Variants in GLIS3 observed in about 807,000 individuals in gnomAD.
The protein encoded by GLIS3 is GLIS family zinc finger 3.
GLIS3 carries 53 observed loss-of-function variants against 78.6 expected under a neutral mutation model. That is an observed-to-expected ratio of 0.67 (90% CI 0.54 to 0.85). The LOEUF (loss-of-function observed/expected upper bound fraction) is 0.85. Ranked by LOEUF, GLIS3 falls within the 40% of genes least tolerant of loss-of-function variation. The pLI is 0.00. For missense variants in GLIS3, 1,703 were observed against 1,231.1 expected, an observed-to-expected ratio of 1.38 and a Z score of -5.74; for synonymous variants, 684 against 509.9, an observed-to-expected ratio of 1.34 and a Z score of -4.60.
At chr9:4,114,913 C>T (rs1018469760) in intron 4 of GLIS3, among the ~76,000 whole-genome samples, 9 of 152,228 alleles carry the variant, frequency 5.9e-5, no homozygotes, top group African/African-American at 1.7e-4. Context: ...AGCCCTCCCC[C>T]AGTTCTGCCA....
chr9:4,057,314 T>C (rs759471765), intron 4 of GLIS3, among the ~76,000 whole-genome samples: 2 of 152,192 alleles, frequency 1.3e-5, no homozygotes, highest in Non-Finnish European at 2.9e-5. Flanking sequence ...ATTTTCATTT[T>C]GCACTGGGTC....
chr9:3,990,380 T>C (rs950414164), intron 4 of GLIS3, among the ~76,000 whole-genome samples: 6 of 152,192 alleles, frequency 3.9e-5, no homozygotes, highest in African/African-American at 1.4e-4. Flanking sequence ...CACACGGCAA[T>C]GGCGCATGTT....
chr9:4,197,174 G>C (rs1284105279), intron 2 of GLIS3, among the ~76,000 whole-genome samples: 2 of 152,126 alleles, frequency 1.3e-5, no homozygotes, highest in Non-Finnish European at 2.9e-5. Flanking sequence ...ACAGGCAGTA[G>C]GCAGATCTCC....
At chr9:4,059,208 A>C (rs765163951) in intron 4 of GLIS3, among the ~76,000 whole-genome samples, 2 of 152,200 alleles carry the variant, frequency 1.3e-5, no homozygotes, top group Non-Finnish European at 2.9e-5. Context: ...ACGAGATTTC[A>C]GACATTTTTT....
intron 8 of GLIS3, among the ~76,000 whole-genome samples, chr9:3,860,968 G>T (rs2130292889): frequency 6.6e-6 from 1 of 152,346 alleles, no homozygotes; most frequent in South Asian, 2.1e-4. Flanking sequence ...TAGAGGAAAT[G>T]AATGCTATGG....
At chr9:4,315,787 G>A (rs540085395) in intron 2 of GLIS3, among the ~76,000 whole-genome samples, 49 of 152,236 alleles carry the variant, frequency 3.2e-4, no homozygotes, top group Middle Eastern at 3.4e-3. Flanking sequence ...GACTTGGGCC[G>A]TCAGTAGGTG....
intron 2 of GLIS3, among the ~76,000 whole-genome samples, chr9:4,276,559 G>A (rs200672641): frequency 1.1e-4 from 8 of 74,838 alleles, no homozygotes; most frequent in Admixed American, 5.8e-4. Context: ...GAGGGGAGGG[G>A]AGGGGAGGGA....
intron 9 of GLIS3, among the ~76,000 whole-genome samples, chr9:3,851,960 T>C (rs552438624): frequency 1.3e-5 from 2 of 152,158 alleles, no homozygotes; most frequent in Admixed American, 1.3e-4. Flanking sequence ...CTAGCCAACA[T>C]GGTGAAACCC....
At chr9:4,328,735 C>G (rs1456750678) in intron 2 of GLIS3, among the ~76,000 whole-genome samples, 3 of 151,184 alleles carry the variant, frequency 2.0e-5, no homozygotes, top group Non-Finnish European at 4.4e-5. Context: ...TCAGTTTTTC[C>G]CTGCGTAAAA....
At chr9:4,216,564 G>C (rs1384540223) in intron 2 of GLIS3, among the ~76,000 whole-genome samples, 4 of 151,504 alleles carry the variant, frequency 2.6e-5, no homozygotes, top group Admixed American at 1.3e-4. Context: ...ATTGGACTTA[G>C]AGCCCCAGCC....
chr9:4,138,722 G>C (rs1833590355), intron 2 of GLIS3, among the ~76,000 whole-genome samples: 1 of 152,174 alleles, frequency 6.6e-6, no homozygotes, highest in African/African-American at 2.4e-5. Flanking sequence ...CTGGGAAATG[G>C]GGATGATAAT....
the GLIS3 span, among the ~76,000 whole-genome samples, chr9:4,373,237 C>T: frequency 3.1e-4 from 47 of 152,172 alleles, no homozygotes; most frequent in African/African-American, 1.1e-3. Context: ...TCACTGATCA[C>T]GCATGCATTA....
intron 1 of GLIS3, among the ~76,000 whole-genome samples, chr9:4,288,946 A>T (rs1041572216): frequency 6.6e-6 from 1 of 152,206 alleles, no homozygotes; most frequent in Non-Finnish European, 1.5e-5. Flanking sequence ...CAGATTTCTC[A>T]AACATTAGAT....
At chr9:3,859,127 C>G (rs1819988271) in intron 8 of GLIS3, among the ~76,000 whole-genome samples, 1 of 152,178 alleles carries the variant, frequency 6.6e-6, no homozygotes, top group Admixed American at 6.5e-5. Flanking sequence ...ATGGACAACT[C>G]TTCTCTCAGC....
chr9:3,869,244 AGAGT>A (rs1004744118), intron 8 of GLIS3, among the ~76,000 whole-genome samples: 3 of 139,178 alleles, frequency 2.2e-5, no homozygotes, highest in African/African-American at 8.1e-5. Flanking sequence ...TACATTAAAG[AGAGT>A]GAGAAAAAAT....
chr9:3,889,066 A>C (rs2043125705), intron 7 of GLIS3, among the ~76,000 whole-genome samples: 1 of 152,154 alleles, frequency 6.6e-6, no homozygotes, highest in South Asian at 2.1e-4. Context: ...ATAACCCTTG[A>C]TATTCAAGAA....
chr9:4,182,153 T>C (rs1375928176), intron 2 of GLIS3, among the ~76,000 whole-genome samples: 7 of 152,090 alleles, frequency 4.6e-5, no homozygotes, highest in Non-Finnish European at 7.4e-5. Context: ...TCCTTTGGGG[T>C]TTGTTAACGT....
intron 4 of GLIS3, among the ~76,000 whole-genome samples, chr9:4,043,137 C>T (rs1182939964): frequency 2.0e-5 from 3 of 152,188 alleles, no homozygotes; most frequent in Admixed American, 1.3e-4. Flanking sequence ...TCCCACAGCC[C>T]CACTCAAGGT....
chr9:4,428,325 A>T, the GLIS3 span, among the ~76,000 whole-genome samples: 2 of 151,564 alleles, frequency 1.3e-5, no homozygotes, highest in African/African-American at 2.4e-5. Flanking sequence ...CTAAAAATAC[A>T]AAAATTAGCC....
Sources: gnomAD v4.1 joint callset for allele counts (sites outside exome capture counted in the v4.1 genomes callset) on GRCh38, gnomAD v4.1.1 for gene constraint, MANE v1.5 for transcripts, NCBI Gene and HGNC (gene_info 2026-07-23, HGNC 2026-07-21) for gene names.